Variants in CTNNA2 observed in about 807,000 individuals in gnomAD.
CTNNA2 encodes the protein catenin alpha-2.
CTNNA2 carries 42 observed loss-of-function variants against 101.0 expected under a neutral mutation model. That is an observed-to-expected ratio of 0.42 (90% confidence interval 0.32 to 0.54). The LOEUF (loss-of-function observed/expected upper bound fraction) is 0.54. CTNNA2 is among the 20% of genes least tolerant of loss of function. CTNNA2 has a pLI of 0.14. For synonymous variants in CTNNA2, 450 were observed against 456.4 expected (o/e 0.99, Z 0.18); for missense variants, 871 against 1,223.1 (o/e 0.71, Z 4.29).
At chr2:80,475,275 G>A (rs1167834244) in intron 9 of CTNNA2, among the ~76,000 whole-genome samples, 1 of 152,104 alleles carries the variant, frequency 6.6e-6, no homozygotes, top group Non-Finnish European at 1.5e-5. Flanking sequence ...AAGGATTAGA[G>A]CATACTGGGT....
At chr2:80,615,317 G>T (rs1698762223) in intron 17 of CTNNA2, among the ~76,000 whole-genome samples, 3 of 151,468 alleles carry the variant, frequency 2.0e-5, no homozygotes, top group African/African-American at 7.3e-5. Flanking sequence ...CAAACAATCA[G>T]AGATTCAAAG....
At chr2:79,358,881 A>T (rs577922072) in intron 3 of CTNNA2, among the ~76,000 whole-genome samples, 54 of 152,310 alleles carry the variant, frequency 3.5e-4, no homozygotes. Flanking sequence ...TCAGAGACTC[A>T]GAAGTAGCAT....
At chr2:80,034,344 ATTTTTTTTTCTTTTTTT>A (rs1695508061) in intron 7 of CTNNA2, among the ~76,000 whole-genome samples, 1 of 84,616 alleles carries the variant, frequency 1.2e-5, no homozygotes, top group African/African-American at 3.5e-5. Context: ...GCTGAATTTC[ATTTTTTTTTCTTTTTTT>A]TTTTTTTTTT....
chr2:80,110,361 T>C (rs1238463234), intron 7 of CTNNA2, among the ~76,000 whole-genome samples: 1 of 152,164 alleles, frequency 6.6e-6, no homozygotes, highest in African/African-American at 2.4e-5. Context: ...GGTTAAAATG[T>C]AAGTAATTTT....
At chr2:79,346,930 G>T (rs542630381) in intron 3 of CTNNA2, among the ~76,000 whole-genome samples, 2 of 152,188 alleles carry the variant, frequency 1.3e-5, no homozygotes, top group African/African-American at 4.8e-5. Flanking sequence ...TTCAGGCACT[G>T]GGGGACTCCA....
intron 4 of CTNNA2, among the ~76,000 whole-genome samples, chr2:79,385,492 G>A (rs1678088574): frequency 6.8e-6 from 1 of 146,558 alleles, no homozygotes; most frequent in Non-Finnish European, 1.5e-5. Context: ...GGTTAAATAG[G>A]GTCTTTATTT....
intron 2 of CTNNA2, among the ~76,000 whole-genome samples, chr2:79,303,489 G>A (rs1411192428): frequency 6.6e-6 from 1 of 151,960 alleles, no homozygotes; most frequent in African/African-American, 2.4e-5. Flanking sequence ...TGTCTTTCAG[G>A]GTGCACTTCT....
chr2:80,482,807 A>G (rs542224657), intron 9 of CTNNA2, among the ~76,000 whole-genome samples: 1 of 152,252 alleles, frequency 6.6e-6, no homozygotes, highest in African/African-American at 2.4e-5. Context: ...ATCTGGTAAC[A>G]CCCATCTGTC....
At chr2:79,519,115 G>C (rs1201518828) in intron 1 of CTNNA2, among the ~76,000 whole-genome samples, 1 of 151,230 alleles carries the variant, frequency 6.6e-6, no homozygotes, top group African/African-American at 2.4e-5. Context: ...TGTAATCCCA[G>C]TTACTTGAGA....
At chr2:80,380,377 C>A (rs888565503) in intron 7 of CTNNA2, among the ~76,000 whole-genome samples, 8 of 152,126 alleles carry the variant, frequency 5.3e-5, no homozygotes, top group African/African-American at 1.9e-4. Flanking sequence ...TTCTGAATTT[C>A]TAAGCAGACA....
chr2:80,000,703 C>T (rs1046201156), intron 7 of CTNNA2, among the ~76,000 whole-genome samples: 2 of 152,168 alleles, frequency 1.3e-5, no homozygotes, highest in African/African-American at 4.8e-5. Context: ...CAGTGATGAT[C>T]TTGAATTCTC....
chr2:80,304,903 A>T, intron 7 of CTNNA2, among the ~76,000 whole-genome samples: 3 of 114,564 alleles, frequency 2.6e-5, no homozygotes, highest in Non-Finnish European at 3.5e-5. Flanking sequence ...TTTTGTCCAT[A>T]TTTCAAAAAA....
chr2:80,167,342 G>A (rs1338129387), intron 7 of CTNNA2, among the ~76,000 whole-genome samples: 1 of 152,022 alleles, frequency 6.6e-6, no homozygotes, highest in Non-Finnish European at 1.5e-5. Context: ...AATATACAAG[G>A]TTATTTTATC....
At chr2:80,373,696 C>T (rs1469559558) in intron 7 of CTNNA2, among the ~76,000 whole-genome samples, 1 of 152,144 alleles carries the variant, frequency 6.6e-6, no homozygotes, top group Non-Finnish European at 1.5e-5. Context: ...AGATGTAAGA[C>T]TCTAGAAGGA....
intron 2 of CTNNA2, among the ~76,000 whole-genome samples, chr2:79,208,606 T>C (rs190664040): frequency 1.5e-3 from 232 of 152,308 alleles, no homozygotes; most frequent in African/African-American, 5.3e-3. Flanking sequence ...ATTGCTCTTC[T>C]AAGTGGATAG....
chr2:79,331,612 A>G (rs1368199375), intron 3 of CTNNA2, among the ~76,000 whole-genome samples: 1 of 152,098 alleles, frequency 6.6e-6, no homozygotes, highest in Non-Finnish European at 1.5e-5. Flanking sequence ...GAGAATGGAG[A>G]GCGGCTTTGT....
intron 7 of CTNNA2, among the ~76,000 whole-genome samples, chr2:80,025,567 A>G (rs1309697596): frequency 6.6e-6 from 1 of 152,220 alleles, no homozygotes; most frequent in South Asian, 2.1e-4. Context: ...GTTGTTTCCT[A>G]CTGTATGGTG....
At chr2:80,551,408 A>G (rs1420505059) in intron 11 of CTNNA2, among the ~76,000 whole-genome samples, 2 of 152,200 alleles carry the variant, frequency 1.3e-5, no homozygotes, top group African/African-American at 4.8e-5. Context: ...GCCAGCTATG[A>G]AAGTTGTAAA....
intron 3 of CTNNA2, among the ~76,000 whole-genome samples, chr2:79,320,447 T>G: frequency 6.7e-6 from 1 of 149,762 alleles, no homozygotes; most frequent in East Asian, 2.0e-4. Flanking sequence ...CTAACCAACC[T>G]AGGCACAGGG....
Sources: gnomAD v4.1 joint callset for allele counts (sites outside exome capture counted in the v4.1 genomes callset) on GRCh38, gnomAD v4.1.1 for gene constraint, MANE v1.5 for transcripts, NCBI Gene and HGNC (gene_info 2026-07-23, HGNC 2026-07-21) for gene names.